Variants in CLIC5 observed in about 807,000 individuals in gnomAD.
The protein encoded by CLIC5 is CLIC family member 5.
In CLIC5, 20 loss-of-function variants were observed where a neutral mutation model predicts 24.7. The observed-to-expected ratio is 0.81, with a 90% confidence interval of 0.57 to 1.18. The LOEUF is 1.18. CLIC5 is among the 50% of genes most tolerant of loss of function. The probability of loss-of-function intolerance (pLI) is 0.00; values close to 1 mark genes in which losing one functional copy is unlikely to be tolerated. For missense variants in CLIC5, 341 were observed against 326.1 expected (o/e 1.05, Z -0.35); for synonymous variants, 159 against 135.6 (o/e 1.17, Z -1.20).
intron 6 of CLIC5, among the ~76,000 whole-genome samples, chr6:45,887,428 A>T (rs1009403418): frequency 6.6e-6 from 1 of 151,992 alleles, no homozygotes; most frequent in Non-Finnish European, 1.5e-5. Flanking sequence ...CTACATCCAA[A>T]TTTTTATCCT....
intron 4 of CLIC5, among the ~76,000 whole-genome samples, chr6:45,924,513 T>A (rs1441137964): frequency 6.6e-6 from 1 of 152,144 alleles, no homozygotes; most frequent in African/African-American, 2.4e-5. Flanking sequence ...CTCCTAAAGT[T>A]TGAAGTGTGT....
At chr6:45,946,126 C>G (rs557230884) in intron 3 of CLIC5, among the ~76,000 whole-genome samples, 2 of 152,208 alleles carry the variant, frequency 1.3e-5, no homozygotes, top group African/African-American at 4.8e-5. Context: ...GGGAGAGAGG[C>G]TTGTCCAAGG....
intron 5 of CLIC5, chr6:45,913,653 T>A: frequency 1.8e-6 from 1 of 548,882 alleles, no homozygotes; most frequent in East Asian, 3.5e-5. Flanking sequence ...GGGTTTGTTA[T>A]ATAGGAGAGG....
At chr6:46,006,366 G>A (rs962346890) in intron 1 of CLIC5, among the ~76,000 whole-genome samples, 10 of 151,322 alleles carry the variant, frequency 6.6e-5, no homozygotes, top group Non-Finnish European at 1.3e-4. Context: ...GGCTGGTCTC[G>A]AACTCTTGAC....
rs933105092 is a variant in CLIC5, at chr6:45,898,971, T to C, written c.*4117A>G. On this transcript the variant is annotated 3_prime_UTR_variant, in exon 6 of 6. Transcript: ENST00000339561. ...TGAGGCAACGTATTTTATTTATTTTTGGTTGCAAGAAAGGAATTGGATCTA... is the reference window on the plus strand; with the variant it reads ...TGAGGCAACGTATTTTATTTATTTTCGGTTGCAAGAAAGGAATTGGATCTA... 14 of 152,254 alleles carry C rather than the reference T, an allele frequency of 9.2e-5. No homozygotes were observed. Among genetic ancestry groups the C allele is most frequent in the African/African-American group, 3.4e-4 (14 of 41,468 alleles). The allele number at this position is 152,254 out of a possible 1,614,324, so 9.4% of individuals were successfully genotyped here. A position where few individuals can be genotyped will look rare whatever the true frequency, so the allele number is the denominator to read the frequency against.
the CLIC5 span, among the ~76,000 whole-genome samples, chr6:46,125,618 T>C: frequency 6.6e-6 from 1 of 152,024 alleles, no homozygotes; most frequent in Non-Finnish European, 1.5e-5. Flanking sequence ...AAAAATAGTT[T>C]AAGCAAAAAG....
chr6:46,032,855 G>A (rs988960472), intron 1 of CLIC5, among the ~76,000 whole-genome samples: 1 of 146,608 alleles, frequency 6.8e-6, no homozygotes, highest in African/African-American at 2.6e-5. Flanking sequence ...TTCCATGTGA[G>A]GGGAGCAGAG....
the CLIC5 span, among the ~76,000 whole-genome samples, chr6:46,109,513 T>TA: frequency 5.6e-3 from 263 of 47,178 alleles, 45 homozygotes; most frequent in African/African-American, 0.019. Context: ...CAGTCTCCAC[T>TA]AAAAAAAAAA....
At chr6:46,049,398 C>T (rs1335804036) in intron 1 of CLIC5, among the ~76,000 whole-genome samples, 1 of 152,102 alleles carries the variant, frequency 6.6e-6, no homozygotes, top group Non-Finnish European at 1.5e-5. Flanking sequence ...GAAATTAATC[C>T]CTCTCCCTGT....
downstream of CLIC5, among the ~76,000 whole-genome samples, chr6:45,896,225 GC>G (rs1306226709): frequency 6.6e-6 from 1 of 152,160 alleles, no homozygotes; most frequent in Non-Finnish European, 1.5e-5. Flanking sequence ...ATACCTGATG[GC>G]CATGTATTTT....
intron 6 of CLIC5, among the ~76,000 whole-genome samples, chr6:45,887,262 G>A (rs551354649): frequency 2.0e-5 from 3 of 152,290 alleles, no homozygotes; most frequent in African/African-American, 7.2e-5. Flanking sequence ...TAGGCTAGAA[G>A]TCCAAAATCA....
At chr6:45,936,569 T>A (rs1581763304) in intron 4 of CLIC5, among the ~76,000 whole-genome samples, 2 of 152,074 alleles carry the variant, frequency 1.3e-5, no homozygotes, top group Admixed American at 6.6e-5. Context: ...GTATACACAG[T>A]TATTACCCCC....
At chr6:46,067,091 T>C (rs1562033920) in intron 1 of CLIC5, among the ~76,000 whole-genome samples, 1 of 152,086 alleles carries the variant, frequency 6.6e-6, no homozygotes, top group Non-Finnish European at 1.5e-5. Flanking sequence ...GCAGGGGAAT[T>C]GAGTATCCAA....
the CLIC5 span, among the ~76,000 whole-genome samples, chr6:46,127,686 G>A: frequency 2.6e-5 from 4 of 152,164 alleles, no homozygotes; most frequent in South Asian, 2.1e-4. Context: ...CATTTCCATT[G>A]AGAAAAAAAG....
At chr6:46,017,675 C>T (rs1249159680), upstream of CLIC5, among the ~76,000 whole-genome samples, 5 of 152,124 alleles carry the variant, frequency 3.3e-5, no homozygotes, top group Admixed American at 3.3e-4. Context: ...ACTAAGGCTG[C>T]CACATGAATT....
intron 1 of CLIC5, among the ~76,000 whole-genome samples, chr6:46,055,065 T>C (rs1274967589): frequency 6.6e-6 from 1 of 152,228 alleles, no homozygotes; most frequent in East Asian, 1.9e-4. Flanking sequence ...TCTCATCTTC[T>C]AAATTCCCGA....
the CLIC5 span, among the ~76,000 whole-genome samples, chr6:46,091,893 C>T: frequency 5.9e-5 from 9 of 152,074 alleles, no homozygotes; most frequent in Non-Finnish European, 1.2e-4. Flanking sequence ...ATTACTGGAC[C>T]TTATGGTAGT....
chr6:46,093,452 T>C, the CLIC5 span, among the ~76,000 whole-genome samples: 1 of 152,240 alleles, frequency 6.6e-6, no homozygotes, highest in Admixed American at 6.5e-5. Context: ...CTAATATGAC[T>C]GATTCATGGA....
chr6:45,894,015 C>A (rs921153681), downstream of CLIC5, among the ~76,000 whole-genome samples: 1 of 152,090 alleles, frequency 6.6e-6, no homozygotes, highest in Non-Finnish European at 1.5e-5. Flanking sequence ...CTCGTGGACA[C>A]GTAGCTAAGT....
Sources: allele counts gnomAD v4.1 joint callset (sites outside exome capture counted in the v4.1 genomes callset), GRCh38; gene constraint gnomAD v4.1.1; transcripts MANE v1.5; gene names NCBI Gene and HGNC (gene_info 2026-07-23, HGNC 2026-07-21).